CRYBA2: variants seen among roughly 807,000 people sequenced by gnomAD.
The protein encoded by CRYBA2 is crystallin beta A2, also known as beta-crystallin A2.
Under a neutral mutation model 18.5 loss-of-function variants are expected in CRYBA2, and 17 were observed. That is an observed-to-expected ratio of 0.92 (90% CI 0.63 to 1.38). The LOEUF is 1.38. Ranked by LOEUF, CRYBA2 falls within the 40% of genes most tolerant of loss-of-function variation. CRYBA2 has a pLI of 0.00. For missense variants in CRYBA2, 271 were observed against 265.0 expected (o/e 1.02, Z -0.16); for synonymous variants, 101 against 106.2 (o/e 0.95, Z 0.30).
chr2:218,991,948 C>T (rs982261699), intron 2 of CRYBA2, 154 bp downstream of exon 2: 3 of 679,728 alleles, frequency 4.4e-6, no homozygotes, highest in Non-Finnish European at 4.8e-6. Context: ...TTCTTGGAGA[C>T]ACCCTTCTGA....
Position 218,992,107 on chromosome 2 carries a change from A to G in CRYBA2, c.298T>C (p.Cys100Arg). The stretch of plus-strand genomic sequence containing the variant: ...GAGAAGTGGGCTGTGCTCACCGCGC[A>G]GAGCACTGGCCGGAAGGACAGCAGC... ...NQLLSFRPVLCANHNDSRVTL... is the reference protein window; with the variant it reads ...NQLLSFRPVLRANHNDSRVTL... The change falls in exon 2 of 4, where the codon TGC (cysteine) becomes CGC (arginine). Residue 100 changes from cysteine to arginine, a missense_variant. Physicochemically the swap from Cys to Arg is radical, Grantham distance 180. Transcript: ENST00000295728. 1 of 1,612,636 alleles carries G rather than the reference A, an allele frequency of 6.2e-7. No homozygotes were observed. The highest frequency in any genetic ancestry group is 8.5e-7 in the Non-Finnish European group (1 of 1,179,410).
At chr2:218,991,085 C>T in intron 2 of CRYBA2, 91 bp from the exon 3 acceptor site, 1 of 1,551,756 alleles carries the variant, frequency 6.4e-7, no homozygotes, top group South Asian at 1.2e-5. Flanking sequence ...CCCACTGCAC[C>T]TCACAAGCTG....
Position 218,993,156 on chromosome 2 carries a change from C to T in CRYBA2, c.21G>A (p.Pro7=). The T allele has an allele frequency of 1.9e-6, 3 of 1,604,820 alleles. 1 individual carries two copies. Among genetic ancestry groups the T allele is most frequent in the South Asian group, 2.2e-5 (2 of 90,388 alleles). The change falls in exon 1 of 4, where the codon CCG becomes CCA. Residue 7 remains proline (P), a synonymous_variant. Transcript: ENST00000295728. This position sits in a 1 kb window ranked among gnomAD's most constrained non-coding sequence, Gnocchi z 7.7. MSSAPA[P]GPAPASLTLW... ...GCGTGAGGCTGGCGGGCGCCGGGCC[C>T]GGCGCGGGGGCGCTGCTCATGCCGC...
At chr2:218,992,940 G>A in intron 1 of CRYBA2, 76 bp downstream of exon 1, 3 of 1,230,950 alleles carry the variant, frequency 2.4e-6, no homozygotes, top group Non-Finnish European at 3.5e-6. Flanking sequence ...AGGACAGGGG[G>A]CTGAGGCTCT....
chr2:218,990,438 G>GCCCCCCCCCCCCCCCCCTGGTCTTCC, intron 3 of CRYBA2, 39 bp from the exon 4 acceptor site: 1 of 1,606,078 alleles, frequency 6.2e-7, no homozygotes, highest in Non-Finnish European at 8.5e-7. Context: ...AGTAAGCTCT[G>GCCCCCCCCCCCCCCCCCTGGTCTTCC]CCCCCACCCC....
intron 3 of CRYBA2, 87 bp from the exon 4 acceptor site, chr2:218,990,486 C>T: frequency 2.0e-6 from 3 of 1,475,442 alleles, no homozygotes; most frequent in Non-Finnish European, 2.7e-6. Flanking sequence ...CCTTTTGTAG[C>T]TCCCAACCCC....
chr2:218,992,013 A>C (rs538737426), intron 2 of CRYBA2, 89 bp downstream of exon 2: 345 of 1,187,644 alleles, frequency 2.9e-4, no homozygotes, highest in Non-Finnish European at 4.0e-4. Context: ...CACACACCCC[A>C]TGCAGGGCTT....
intron 2 of CRYBA2, chr2:218,991,287 C>T (rs965622968): frequency 1.7e-5 from 5 of 297,276 alleles, no homozygotes; most frequent in African/African-American, 6.4e-5. Flanking sequence ...GTGACATGGG[C>T]CCATTTTGCA....
intron 2 of CRYBA2, chr2:218,991,592 T>C (rs1574491397): frequency 6.4e-6 from 1 of 156,272 alleles, no homozygotes; most frequent in East Asian, 1.9e-4. Context: ...GCCCTACTAG[T>C]AACCAGGTCG....
At position 218,993,179 on chromosome 2, in the gene CRYBA2, C is replaced by A. The variant is rs1157603582; in HGVS notation, c.-3G>T. On this transcript the variant is annotated 5_prime_UTR_variant, in exon 1 of 4. Transcript: ENST00000295728. The surrounding 1 kb of genome is among the most constrained non-coding windows in gnomAD (Gnocchi z 7.7). ...CCCGGCGCGGGGGCGCTGCTCATGC[C>A]GCTGCGGACAGGAAGGGTGGCACCA... is the stretch of plus-strand genomic sequence containing the variant. 1 of 1,594,682 alleles carries A rather than the reference C, an allele frequency of 6.3e-7. No individual in the cohort carries two copies. Among genetic ancestry groups the A allele is most frequent in the African/African-American group, 1.3e-5 (1 of 74,268 alleles).
intron 2 of CRYBA2, chr2:218,991,197 T>C (rs1945494038): frequency 6.3e-6 from 4 of 638,574 alleles, no homozygotes; most frequent in African/African-American, 1.8e-5. Context: ...ACCTGGCCCC[T>C]CCCATGACTT....
In CRYBA2 at chr2:218,992,105, G is replaced by A. The variant is rs112876753; in HGVS notation, c.300C>T (p.Cys100=). The A allele has an allele frequency of 4.6e-5, 74 of 1,612,186 alleles. No individual in the cohort carries two copies. The highest frequency in any genetic ancestry group is 3.3e-5 in the Admixed American group (2 of 59,872). ...NQLLSFRPVL[C]ANHNDSRVTL... is the part of the protein sequence containing the mutation. ...AGGAGAAGTGGGCTGTGCTCACCGC[G>A]CAGAGCACTGGCCGGAAGGACAGCA... Residue 100 remains cysteine (C), a synonymous_variant, in exon 2 of 4, where the codon TGC becomes TGT. Transcript: ENST00000295728.
chr2:218,991,916 GC>G, intron 2 of CRYBA2, 185 bp downstream of exon 2: 2 of 603,548 alleles, frequency 3.3e-6, no homozygotes, highest in South Asian at 4.3e-5. Flanking sequence ...TGGGCTCCGG[GC>G]CTACGCCCAC....
At chr2:218,990,755 C>T in intron 3 of CRYBA2, 97 bp downstream of exon 3, 2 of 1,485,874 alleles carry the variant, frequency 1.3e-6, no homozygotes, top group Non-Finnish European at 1.8e-6. Context: ...CAATATCTCT[C>T]TTAGCGCCCT....
Position 218,993,293 on chromosome 2 carries a change from GCCTA to G in CRYBA2, c.-121_-118del. ...ATGAAGAACCCGGGGGCTGGACCCG[GCCTA>G]GCTCTGGACCCGGCTGCCAGGGGCT... On this transcript the variant is annotated 5_prime_UTR_variant, in exon 1 of 4. An upstream open reading frame in the 5' UTR loses its in-frame stop. Coordinates refer to ENST00000295728, the MANE Select transcript of CRYBA2 (RefSeq NM_057093.2). The surrounding 1 kb of genome is among the most constrained non-coding windows in gnomAD (Gnocchi z 7.7). 1 of 1,058,514 alleles carries G rather than the reference GCCTA, an allele frequency of 9.4e-7. No individual in the cohort carries two copies. The highest frequency in any genetic ancestry group is 1.3e-6 in the Non-Finnish European group (1 of 750,978). 65.6% of individuals were successfully genotyped at this position (1,058,514 alleles called of 1,614,324 possible).
At chr2:218,991,901 AT>A in intron 2 of CRYBA2, 200 bp downstream of exon 2, 1 of 581,510 alleles carries the variant, frequency 1.7e-6, no homozygotes. Context: ...CGTGGTGATG[AT>A]TTCTGGGCTC....
Position 218,993,117 on chromosome 2 carries a change from C to A in CRYBA2, c.60G>T (p.Glu20Asp). 1 of 1,611,846 alleles carries A rather than the reference C, an allele frequency of 6.2e-7. No individual in the cohort carries two copies. The highest frequency in any genetic ancestry group is 8.5e-7 in the Non-Finnish European group (1 of 1,179,416). The change falls in exon 1 of 4, where the codon GAG becomes GAT. Residue 20 changes from glutamate to aspartate, a missense_variant. Glu to Asp is a conservative substitution (Grantham distance 45). Transcript: ENST00000295728. This position sits in a 1 kb window ranked among gnomAD's most constrained non-coding sequence, Gnocchi z 7.7. ...GCCGACAGCGACGGCCCTGGAAGTC[C>A]TCCTCGTCCCAGAGCGTGAGGCTGG... is the stretch of plus-strand genomic sequence containing the variant. ...APASLTLWDEEDFQGRRCRLL... is the reference protein window; with the variant it reads ...APASLTLWDEDDFQGRRCRLL...
Position 218,990,904 on chromosome 2 carries a change from A to G in CRYBA2, c.394T>C (p.Ser132Pro), listed in dbSNP as rs1945489589. 6.2e-6 allele frequency: 10 copies of G among 1,613,918 alleles called. No individual in the cohort carries two copies. Among genetic ancestry groups the G allele is most frequent in the Non-Finnish European group, 7.6e-6 (9 of 1,179,968 alleles). ...ACATCCTTGCTGGCCCAGCCCATGG[A>G]GGGCAGGGATGGGTAGTCATCAACG... ...DLVDDYPSLP[S>P]MGWASKDVGS... The change falls in exon 3 of 4, where the codon TCC becomes CCC. Residue 132 changes from serine to proline, a missense_variant. Physicochemically the swap from Ser to Pro is moderately conservative, Grantham distance 74 (BLOSUM62 -1). Transcript: ENST00000295728.
rs1378286407 is a variant in CRYBA2, at chr2:218,990,429, G to T, written c.447-30C>A. The T allele has an allele frequency of 4.3e-6, 7 of 1,612,358 alleles. No individual in the cohort carries two copies. In the East Asian group the frequency reaches 1.6e-4, roughly 36 times the overall value. On this transcript the variant is annotated intron_variant, in intron 3 of 3. Coordinates refer to ENST00000295728, the MANE Select transcript of CRYBA2 (RefSeq NM_057093.2). ...GCCAGTGAGGGTACAGAGGCAGGGAGTAAGCTCTGCCCCCACCCCCACCCT... is the reference window on the plus strand; with the variant it reads ...GCCAGTGAGGGTACAGAGGCAGGGATTAAGCTCTGCCCCCACCCCCACCCT...
Sources: allele counts gnomAD v4.1 joint callset, GRCh38; gene constraint gnomAD v4.1.1; non-coding constraint Gnocchi (gnomAD v3.1); transcripts MANE v1.5; gene names NCBI Gene and HGNC (gene_info 2026-07-23, HGNC 2026-07-21).